The following ADAMTS12 variants were observed in gnomAD, a reference collection of about 807,000 sequenced individuals.
The protein encoded by ADAMTS12 is ADAM metallopeptidase with thrombospondin type 1 motif 12, also known as A disintegrin and metalloproteinase with thrombospondin motifs 12.
In ADAMTS12, 118 loss-of-function variants were observed where a neutral mutation model predicts 167.8. That is an observed-to-expected ratio of 0.70 (90% CI 0.61 to 0.82). ADAMTS12 has a LOEUF of 0.82. ADAMTS12 is among the 40% of genes least tolerant of loss of function. The pLI, the probability that ADAMTS12 is intolerant of heterozygous loss-of-function variation, is 0.00. For synonymous variants in ADAMTS12, 704 were observed against 716.9 expected (o/e 0.98, Z 0.29); for missense variants, 1,916 against 1,998.8 (o/e 0.96, Z 0.79).
chr5:33,564,523 A>G (rs560470925), intron 19 of ADAMTS12, among the ~76,000 whole-genome samples: 3 of 152,272 alleles, frequency 2.0e-5, no homozygotes, highest in African/African-American at 7.2e-5. Context: ...AGCTTTTTGG[A>G]GGATGAATTT....
At chr5:33,636,640 CTG>C (rs1740208993) in intron 12 of ADAMTS12, among the ~76,000 whole-genome samples, 1 of 152,138 alleles carries the variant, frequency 6.6e-6, no homozygotes, top group African/African-American at 2.4e-5. Flanking sequence ...ATTCTCAAAT[CTG>C]TGATTTTTCT....
intron 3 of ADAMTS12, among the ~76,000 whole-genome samples, chr5:33,700,471 TG>T (rs1742958758): frequency 6.6e-6 from 1 of 152,164 alleles, no homozygotes; most frequent in Non-Finnish European, 1.5e-5. Flanking sequence ...CATTTTTAAA[TG>T]ACAAAATTTT....
In ADAMTS12 at chr5:33,881,417, C is replaced by T; in HGVS notation, c.191G>A (p.Gly64Glu). The T allele has an allele frequency of 1.2e-6, 2 of 1,614,082 alleles. No individual in the cohort carries two copies. The highest frequency in any genetic ancestry group is 1.1e-5 in the South Asian group (1 of 91,074). ...VVGPVRVDAS[G>E]HFLSYGLHYP... ...GTGCAAGCCATATGACAAAAAATGC[C>T]CACTGGCATCTACTCGGACTGGACC... The change falls in exon 2 of 24, where the codon GGG (glycine) becomes GAG (glutamate). Residue 64 changes from glycine to glutamate, a missense_variant. Transcript: ENST00000504830.
At chr5:33,593,312 T>C (rs1747739797) in intron 17 of ADAMTS12, among the ~76,000 whole-genome samples, 1 of 152,200 alleles carries the variant, frequency 6.6e-6, no homozygotes, top group Non-Finnish European at 1.5e-5. Flanking sequence ...TGAAACCTGC[T>C]TATCCTGAGA....
chr5:33,622,942 G>A (rs954676911), intron 14 of ADAMTS12, among the ~76,000 whole-genome samples: 2 of 152,132 alleles, frequency 1.3e-5, no homozygotes, highest in Admixed American at 6.5e-5. Flanking sequence ...TAATTCTCAT[G>A]GGCAGGACAA....
chr5:33,679,443 A>G (rs1742030938), intron 5 of ADAMTS12, among the ~76,000 whole-genome samples: 1 of 152,134 alleles, frequency 6.6e-6, no homozygotes, highest in South Asian at 2.1e-4. Context: ...CTTCTTCACA[A>G]GGTGGAAGGA....
chr5:33,857,261 A>G (rs1402943953), intron 2 of ADAMTS12, among the ~76,000 whole-genome samples: 6 of 152,120 alleles, frequency 3.9e-5, no homozygotes, highest in African/African-American at 1.4e-4. Context: ...AGCCTGGGGG[A>G]AGCGGGAAAT....
chr5:33,678,634 G>A (rs1205941483), intron 5 of ADAMTS12, among the ~76,000 whole-genome samples: 3 of 152,166 alleles, frequency 2.0e-5, no homozygotes, highest in Non-Finnish European at 4.4e-5. Context: ...CCTTGAAAAA[G>A]CCTGATGAAT....
chr5:33,535,015 A>G (rs1744310800), intron 22 of ADAMTS12, 23 bp from the exon 23 acceptor site: 1 of 1,574,956 alleles, frequency 6.3e-7, no homozygotes, highest in Non-Finnish European at 8.6e-7. Context: ...GTGAACAGAG[A>G]GTCAGAAGTC....
chr5:33,613,536 C>T (rs773799594), intron 16 of ADAMTS12, among the ~76,000 whole-genome samples: 1 of 152,246 alleles, frequency 6.6e-6, no homozygotes, highest in Non-Finnish European at 1.5e-5. Context: ...AGCCAGGGTG[C>T]CTCTCCCATC....
chr5:33,623,411 C>T (rs1015298126), intron 14 of ADAMTS12, among the ~76,000 whole-genome samples: 13 of 152,280 alleles, frequency 8.5e-5, no homozygotes, highest in South Asian at 2.1e-4. Flanking sequence ...CCCCTCAGGT[C>T]GGGGAAACTC....
At chr5:33,597,950 G>C (rs1737987065) in intron 16 of ADAMTS12, among the ~76,000 whole-genome samples, 1 of 152,160 alleles carries the variant, frequency 6.6e-6, no homozygotes, top group Non-Finnish European at 1.5e-5. Context: ...TTCCGAAAAG[G>C]CTTGTATCTG....
Position 33,577,857 on chromosome 5 carries a change from C to T in ADAMTS12, c.2866-697G>A, listed in dbSNP as rs555438089. 3.1e-4 allele frequency among the ~76,000 whole-genome samples: 47 copies of T among 152,222 alleles called. 1 individual carries two copies. The highest frequency in any genetic ancestry group is 1.1e-3 in the Admixed American group (17 of 15,298). On this transcript the variant is annotated intron_variant, in intron 18 of 23. Coordinates refer to ENST00000504830, the MANE Select transcript of ADAMTS12 (RefSeq NM_030955.4). ...GTATATATTCGGGTACTGGTAAGTG[C>T]CCCTCCCCAATGTTCCCTCCACATT...
At chr5:33,863,533 G>A (rs1561315402) in intron 2 of ADAMTS12, among the ~76,000 whole-genome samples, 2 of 152,066 alleles carry the variant, frequency 1.3e-5, no homozygotes, top group Non-Finnish European at 2.9e-5. Flanking sequence ...ACTGCTTAAG[G>A]AAATAATGAG....
intron 5 of ADAMTS12, among the ~76,000 whole-genome samples, chr5:33,667,612 A>G (rs980192178): frequency 6.6e-6 from 1 of 152,188 alleles, no homozygotes; most frequent in East Asian, 1.9e-4. Flanking sequence ...TAGAGCCCCA[A>G]CAATACCTAG....
At position 33,658,204 on chromosome 5, in the gene ADAMTS12, A is replaced by C. The variant is rs757387294; in HGVS notation, c.1170T>G (p.Ile390Met). ...TTTACCTGTGTCCTAGCTCATGGGC[A>C]ATTGTGAAAGCCAGAGGGAGTCCCG... ...EDSGLPLAFT[I>M]AHELGHSFGI... The change falls in exon 7 of 24, where the codon ATT becomes ATG. Residue 390 changes from isoleucine (I) to methionine (M), a missense_variant. Transcript: ENST00000504830. 46 of 1,613,472 alleles carry C rather than the reference A, an allele frequency of 2.9e-5. No homozygotes were observed. Among genetic ancestry groups the C allele is most frequent in the Non-Finnish European group, 2.5e-6 (3 of 1,179,620 alleles).
At chr5:33,838,180 T>C (rs990878299) in intron 2 of ADAMTS12, among the ~76,000 whole-genome samples, 1 of 152,140 alleles carries the variant, frequency 6.6e-6, no homozygotes, top group African/African-American at 2.4e-5. Flanking sequence ...TTAAAGACTA[T>C]GAAGCAATGG....
At chr5:33,881,018 T>G (rs1254108478) in intron 2 of ADAMTS12, 101 bp downstream of exon 2, 2 of 1,504,104 alleles carry the variant, frequency 1.3e-6, no homozygotes, top group Non-Finnish European at 8.9e-7. Flanking sequence ...GGGGTTCAAC[T>G]CCCATATGTC....
At chr5:33,632,756 A>C (rs1295069584) in intron 12 of ADAMTS12, among the ~76,000 whole-genome samples, 2 of 152,200 alleles carry the variant, frequency 1.3e-5, no homozygotes, top group Non-Finnish European at 2.9e-5. Context: ...CTTTGGTTTA[A>C]ACTTTAGAAT....
Sources: allele counts gnomAD v4.1 joint callset (sites outside exome capture counted in the v4.1 genomes callset), GRCh38; gene constraint gnomAD v4.1.1; transcripts MANE v1.5; gene names NCBI Gene and HGNC (gene_info 2026-07-23, HGNC 2026-07-21).